Variants in FARP1 observed in about 807,000 individuals in gnomAD.
FARP1 encodes the protein FERM, ARHGEF and pleckstrin domain-containing protein 1.
In FARP1, 52 loss-of-function variants were observed where a neutral mutation model predicts 128.8. The observed-to-expected ratio is 0.40, with a 90% CI of 0.32 to 0.51. FARP1 has a LOEUF of 0.51. Among genes scored for constraint, FARP1 ranks in the 20% least tolerant of loss-of-function variants. The pLI is 0.45. For synonymous variants in FARP1, 580 were observed against 551.8 expected (o/e 1.05, Z -0.72); for missense variants, 1,333 against 1,367.9 (o/e 0.97, Z 0.40).
At chr13:98,349,541 C>T (rs186283890) in intron 3 of FARP1, among the ~76,000 whole-genome samples, 5 of 151,816 alleles carry the variant, frequency 3.3e-5, no homozygotes, top group African/African-American at 1.2e-4. Context: ...TTTGGTGGCA[C>T]GCGTCTATAT....
At chr13:98,237,526 A>C (rs1882495568) in intron 2 of FARP1, among the ~76,000 whole-genome samples, 1 of 152,218 alleles carries the variant, frequency 6.6e-6, no homozygotes, top group Non-Finnish European at 1.5e-5. Context: ...ATCTGCTTCA[A>C]ATGTGGATCA....
chr13:98,177,296 C>T lies in FARP1; in HGVS notation c.-24+33804C>T, dbSNP rs902354362. ...CGTCACCCTTGCGTCGCCCTTGCGT[C>T]GCTGCACGTGGGGCGTGGGCCCTCC... On this transcript the variant is annotated intron_variant, in intron 1 of 26. Coordinates refer to ENST00000319562, the MANE Select transcript of FARP1 (RefSeq NM_005766.4). The T allele has an allele frequency of 3.6e-6, 5 of 1,391,602 alleles. No homozygotes were observed. In the African/African-American group the frequency reaches 4.3e-5, roughly 12 times the overall value. The allele number at this position is 1,391,602 out of a possible 1,614,324, so 86.2% of individuals were successfully genotyped here.
chr13:98,165,214 CAAAAA>C lies in FARP1; in HGVS notation c.-24+21742_-24+21746del. 3.5e-5 allele frequency among the ~76,000 whole-genome samples: 3 copies of C among 84,740 alleles called. No homozygotes were observed. In the South Asian group the frequency reaches 1.7e-3, roughly 49 times the overall value. 55.6% of individuals were successfully genotyped at this position (84,740 alleles called of 152,430 possible). A position where few individuals can be genotyped will look rare whatever the true frequency, so the allele number is the denominator to read the frequency against. ...TGGGTGACAAAGCCAGACTCTGTCT[CAAAAA>C]AAAAAAAAAAAAAAAAAAATTGTCC... is the stretch of plus-strand genomic sequence containing the variant. On this transcript the variant is annotated intron_variant, in intron 1 of 26. Transcript: ENST00000319562.
At chr13:98,289,329 A>G (rs1885342788) in intron 2 of FARP1, among the ~76,000 whole-genome samples, 3 of 152,310 alleles carry the variant, frequency 2.0e-5, no homozygotes, top group Middle Eastern at 3.4e-3. Flanking sequence ...AGGAAATTCT[A>G]AGTGGTTACC....
chr13:98,439,065 T>C (rs373899086), intron 20 of FARP1, 42 bp from the exon 21 acceptor site: 36 of 1,545,246 alleles, frequency 2.3e-5, no homozygotes, highest in Middle Eastern at 3.4e-4. Context: ...AAGCCTGCTG[T>C]CCAAACGTGG....
chr13:98,361,340 T>C (rs1566917098), intron 3 of FARP1, among the ~76,000 whole-genome samples: 1 of 152,230 alleles, frequency 6.6e-6, no homozygotes, highest in Non-Finnish European at 1.5e-5. Flanking sequence ...CCCAGCCCCA[T>C]GTGTTATAAA....
At chr13:98,411,372 CCTCTGGG>C (rs1891188770) in intron 15 of FARP1, among the ~76,000 whole-genome samples, 1 of 152,160 alleles carries the variant, frequency 6.6e-6, no homozygotes, top group Non-Finnish European at 1.5e-5. Flanking sequence ...AGTTTCTGAT[CCTCTGGG>C]CTGTGGATTG....
At chr13:98,440,297 T>C in intron 23 of FARP1, 62 bp downstream of exon 23, 1 of 1,259,852 alleles carries the variant, frequency 7.9e-7, no homozygotes, top group Non-Finnish European at 1.2e-6. Context: ...ACAGCATTTC[T>C]GCATCTAAAG....
At chr13:98,399,792 A>C (rs1890690091) in intron 13 of FARP1, 1 of 152,238 alleles carries the variant, frequency 6.6e-6, no homozygotes, top group Non-Finnish European at 1.5e-5. Flanking sequence ...TCCTTGTGCT[A>C]ATATCTTTTG....
At chr13:98,200,782 A>AT (rs1879889657) in intron 1 of FARP1, among the ~76,000 whole-genome samples, 1 of 152,046 alleles carries the variant, frequency 6.6e-6, no homozygotes, top group Admixed American at 6.6e-5. Flanking sequence ...TGAAGTGAGT[A>AT]TTTTTTTCCT....
chr13:98,453,307 T>A lies in FARP1; in HGVS notation c.*4990T>A. 1 of 1,273,082 alleles carries A rather than the reference T, an allele frequency of 7.9e-7. No individual in the cohort carries two copies. The highest frequency in any genetic ancestry group is 1.1e-6 in the Non-Finnish European group (1 of 904,090). The allele number at this position is 1,273,082 out of a possible 1,614,324, so 78.9% of individuals were successfully genotyped here. The stretch of plus-strand genomic sequence containing the variant: ...CAAAATCTTAGTTTTCATAAGAAAT[T>A]CCAAGTCATACAAAAATAAGTGGAG... On this transcript the variant is annotated 3_prime_UTR_variant, in exon 27 of 27. Transcript: ENST00000319562.
At chr13:98,265,477 G>A (rs1209991105) in intron 2 of FARP1, among the ~76,000 whole-genome samples, 2 of 150,572 alleles carry the variant, frequency 1.3e-5, no homozygotes, top group Non-Finnish European at 3.0e-5. Flanking sequence ...CCGCCACTAC[G>A]CCCGGCTAAT....
intron 1 of FARP1, among the ~76,000 whole-genome samples, chr13:98,150,902 G>C (rs183580310): frequency 1.3e-5 from 2 of 151,980 alleles, no homozygotes; most frequent in Admixed American, 6.6e-5. Context: ...GGGAAAAAAT[G>C]TTTTTGAAAT....
At chr13:98,267,251 G>A (rs777551237) in intron 2 of FARP1, among the ~76,000 whole-genome samples, 2 of 152,142 alleles carry the variant, frequency 1.3e-5, no homozygotes, top group African/African-American at 2.4e-5. Context: ...GTTGTCTTTG[G>A]GGCGTGTCTT....
At chr13:98,332,315 A>C (rs929055614) in intron 2 of FARP1, 1 of 150,836 alleles carries the variant, frequency 6.6e-6, no homozygotes, top group African/African-American at 2.4e-5. Flanking sequence ...CTTTTGTTAT[A>C]TACCTGTTTG....
intron 3 of FARP1, among the ~76,000 whole-genome samples, chr13:98,357,125 T>C (rs1282831199): frequency 1.3e-5 from 2 of 152,212 alleles, no homozygotes; most frequent in Admixed American, 6.5e-5. Context: ...CTTGCTTTTT[T>C]CTTTTTTAAT....
At chr13:98,440,905 G>A (rs1566323569) in intron 24 of FARP1, 69 bp downstream of exon 24, 10 of 1,472,764 alleles carry the variant, frequency 6.8e-6, no homozygotes, top group Non-Finnish European at 3.7e-6. Flanking sequence ...GCAAACTTCT[G>A]GGCCAGGGGC....
intron 2 of FARP1, among the ~76,000 whole-genome samples, chr13:98,282,342 T>G (rs1884975536): frequency 6.6e-6 from 1 of 152,042 alleles, no homozygotes; most frequent in African/African-American, 2.4e-5. Flanking sequence ...TCAATTAACC[T>G]ACACAGGCTT....
At chr13:98,227,730 C>T (rs957867452) in intron 2 of FARP1, among the ~76,000 whole-genome samples, 2 of 152,114 alleles carry the variant, frequency 1.3e-5, no homozygotes, top group Non-Finnish European at 1.5e-5. Flanking sequence ...AACATCCATC[C>T]TTGGATAAAT....
Sources: gnomAD v4.1 joint callset for allele counts (sites outside exome capture counted in the v4.1 genomes callset) on GRCh38, gnomAD v4.1.1 for gene constraint, MANE v1.5 for transcripts, NCBI Gene and HGNC (gene_info 2026-07-23, HGNC 2026-07-21) for gene names.